The following AVEN variants were observed in gnomAD, a reference collection of about 807,000 sequenced individuals.
The protein encoded by AVEN is cell death regulator Aven.
AVEN carries 41 observed loss-of-function variants against 38.1 expected under a neutral mutation model. The ratio of observed to expected loss-of-function variants is 1.08; its 90% CI spans 0.84 to 1.40. AVEN has a LOEUF of 1.40. Ranked by LOEUF, AVEN falls within the 40% of genes most tolerant of loss-of-function variation. The pLI is 0.00. For missense variants in AVEN, 605 were observed against 438.8 expected, an observed-to-expected ratio of 1.38 and a Z score of -3.38; for synonymous variants, 206 against 171.8, an observed-to-expected ratio of 1.20 and a Z score of -1.56.
chr15:33,864,533 G>A (rs139530054), downstream of AVEN, among the ~76,000 whole-genome samples: 51 of 152,302 alleles, frequency 3.3e-4, 1 homozygote, highest in East Asian at 9.4e-3. Context: ...AACGGAGTGA[G>A]AGACAGGCTA....
At chr15:34,059,757 A>G (rs970525817) in intron 5 of AVEN, among the ~76,000 whole-genome samples, 3 of 151,926 alleles carry the variant, frequency 2.0e-5, no homozygotes, top group Non-Finnish European at 4.4e-5. Flanking sequence ...TCAAGTCTCG[A>G]CTCTTAGGTC....
chr15:33,918,826 T>C (rs117616173), intron 2 of AVEN, among the ~76,000 whole-genome samples: 1,930 of 152,210 alleles, frequency 0.013, 27 homozygotes, highest in Non-Finnish European at 0.021. Flanking sequence ...CAGAATTTCC[T>C]CAATGTGAAG....
chr15:33,943,479 A>G (rs943263377), intron 2 of AVEN, among the ~76,000 whole-genome samples: 3 of 152,234 alleles, frequency 2.0e-5, no homozygotes, highest in African/African-American at 7.2e-5. Context: ...GAGATAGTGT[A>G]TAATACAGAG....
chr15:33,905,226 A>AC (rs398118723), intron 2 of AVEN, among the ~76,000 whole-genome samples: 27 of 150,070 alleles, frequency 1.8e-4, no homozygotes, highest in South Asian at 4.2e-4. Flanking sequence ...AAACAAAAAA[A>AC]CCCACAGGCT....
At chr15:34,019,449 T>C (rs920925130) in intron 1 of AVEN, among the ~76,000 whole-genome samples, 3 of 152,206 alleles carry the variant, frequency 2.0e-5, no homozygotes, top group African/African-American at 7.2e-5. Flanking sequence ...AAAAAAAGCA[T>C]AAGTTTAGTG....
At chr15:34,060,292 T>C (rs1167364140) in intron 5 of AVEN, among the ~76,000 whole-genome samples, 2 of 152,200 alleles carry the variant, frequency 1.3e-5, no homozygotes, top group Non-Finnish European at 2.9e-5. Context: ...TCAGTTAGAC[T>C]GCATGTGTTT....
chr15:33,966,507 T>C (rs555028114), intron 2 of AVEN, among the ~76,000 whole-genome samples: 2 of 152,152 alleles, frequency 1.3e-5, no homozygotes, highest in Non-Finnish European at 2.9e-5. Context: ...GAGAGAAGTA[T>C]TCTATTGCCC....
chr15:34,031,163 G>C (rs1327543869), intron 1 of AVEN, among the ~76,000 whole-genome samples: 1 of 108,988 alleles, frequency 9.2e-6, no homozygotes, highest in Non-Finnish European at 1.8e-5. Flanking sequence ...GCTTTGCTTA[G>C]GTTAATTTTT....
At chr15:33,979,247 C>A (rs1160535656) in intron 2 of AVEN, among the ~76,000 whole-genome samples, 2 of 152,116 alleles carry the variant, frequency 1.3e-5, no homozygotes, top group South Asian at 4.1e-4. Flanking sequence ...GTTGGCCAGG[C>A]ACGGTGTCCC....
rs546536184 is a variant in AVEN, at chr15:33,944,343, C to T, written c.445+58689G>A. Among the ~76,000 whole-genome samples, 23 of 152,294 alleles carry T rather than the reference C, an allele frequency of 1.5e-4. No homozygotes were observed. The East Asian group carries it at 3.7e-3, about 24-fold the overall frequency. On this transcript the variant is annotated intron_variant, in intron 2 of 5. Coordinates refer to ENST00000306730, the MANE Select transcript of AVEN (RefSeq NM_020371.3). ...AAACCCACAAGACCTAGTTCAGTGC[C>T]GGCAACTATAACGTGTCCAGTGAAT...
At position 34,063,869 on chromosome 15, in the gene AVEN, G is replaced by A; in HGVS notation, n.1127-437C>T. Reference sequence around the variant, plus strand: ...GTGTGGCCTATAAGTTCCGATTGGTGGTAAAAGCTGACGGGAACCAGGAGA... The same window carrying A: ...GTGTGGCCTATAAGTTCCGATTGGTAGTAAAAGCTGACGGGAACCAGGAGA... On this transcript the variant is annotated intron_variant and non_coding_transcript_variant, in intron 4 of 11. Transcript: ENST00000675287. The surrounding 1 kb of genome is among the most constrained non-coding windows in gnomAD (Gnocchi z 4.1). 2.5e-6 allele frequency: 4 copies of A among 1,614,162 alleles called. No homozygotes were observed. The highest frequency in any genetic ancestry group is 4.5e-5 in the East Asian group (2 of 44,884).
intron 2 of AVEN, among the ~76,000 whole-genome samples, chr15:33,989,154 A>C (rs1392401685): frequency 2.0e-5 from 3 of 148,214 alleles, no homozygotes; most frequent in African/African-American, 5.3e-5. Flanking sequence ...ACAAACACAC[A>C]CAAAAAAGCT....
At chr15:33,999,664 T>C (rs1174745418) in intron 2 of AVEN, among the ~76,000 whole-genome samples, 1 of 152,150 alleles carries the variant, frequency 6.6e-6, no homozygotes. Context: ...CAACCACTTT[T>C]CACCACCTCC....
intron 2 of AVEN, among the ~76,000 whole-genome samples, chr15:33,927,970 C>A (rs937408052): frequency 5.3e-5 from 8 of 152,180 alleles, no homozygotes; most frequent in Admixed American, 1.3e-4. Context: ...ACAGTACAGG[C>A]TGGAGAGCTT....
At chr15:33,979,079 T>C (rs1896019889) in intron 2 of AVEN, among the ~76,000 whole-genome samples, 1 of 152,240 alleles carries the variant, frequency 6.6e-6, no homozygotes, top group South Asian at 2.1e-4. Flanking sequence ...ATTTTAAGTC[T>C]ACTCTAATAA....
chr15:34,046,704 G>C (rs1899697918), intron 5 of AVEN: 1 of 152,248 alleles, frequency 6.6e-6, no homozygotes, highest in Non-Finnish European at 1.5e-5. Context: ...AGGAATGAAA[G>C]GTGTGAGTGA....
At chr15:33,938,411 C>T (rs528794016) in intron 2 of AVEN, among the ~76,000 whole-genome samples, 10 of 151,780 alleles carry the variant, frequency 6.6e-5, no homozygotes, top group South Asian at 6.3e-4. Context: ...GCCGAGATCG[C>T]GCCACTGCAC....
At chr15:33,947,789 A>G (rs1894562160) in intron 2 of AVEN, among the ~76,000 whole-genome samples, 2 of 152,208 alleles carry the variant, frequency 1.3e-5, no homozygotes, top group Admixed American at 1.3e-4. Flanking sequence ...GTCAACTGTA[A>G]TTAAATAAGC....
At chr15:33,895,244 T>C (rs1029957044) in intron 2 of AVEN, among the ~76,000 whole-genome samples, 3 of 152,132 alleles carry the variant, frequency 2.0e-5, no homozygotes, top group Non-Finnish European at 2.9e-5. Context: ...TTTTTTTCAC[T>C]GTTCTTCTGC....
Sources: allele counts gnomAD v4.1 joint callset (sites outside exome capture counted in the v4.1 genomes callset), GRCh38; gene constraint gnomAD v4.1.1; non-coding constraint Gnocchi (gnomAD v3.1); transcripts MANE v1.5; gene names NCBI Gene and HGNC (gene_info 2026-07-23, HGNC 2026-07-21).